FBXL7: variants seen among roughly 807,000 people sequenced by gnomAD.
FBXL7 encodes the protein F-box/LRR-repeat protein 7.
FBXL7 carries 12 observed loss-of-function variants against 38.3 expected under a neutral mutation model. That is an observed-to-expected ratio of 0.31 (90% confidence interval 0.20 to 0.51). FBXL7 has a LOEUF of 0.51. FBXL7 is among the 20% of genes least tolerant of loss of function. The pLI is 0.98. For synonymous variants in FBXL7, 297 were observed against 300.9 expected (o/e 0.99, Z 0.13); for missense variants, 567 against 676.4 (o/e 0.84, Z 1.79).
chr5:15,881,381 AT>A (rs1296779817), intron 2 of FBXL7, among the ~76,000 whole-genome samples: 1 of 152,122 alleles, frequency 6.6e-6, no homozygotes, highest in Non-Finnish European at 1.5e-5. Context: ...GCTGAATAGT[AT>A]TTTGTGGTAT....
intron 2 of FBXL7, among the ~76,000 whole-genome samples, chr5:15,665,515 G>A (rs1402801894): frequency 6.6e-6 from 1 of 152,050 alleles, no homozygotes; most frequent in African/African-American, 2.4e-5. Flanking sequence ...ACAATTTCTT[G>A]GCTTTCTCTC....
intron 2 of FBXL7, among the ~76,000 whole-genome samples, chr5:15,812,167 A>G (rs1054511585): frequency 5.9e-5 from 9 of 152,190 alleles, no homozygotes; most frequent in African/African-American, 9.7e-5. Context: ...ATAAAAAGGA[A>G]TAAGTTCAGG....
At chr5:15,642,428 G>A (rs901530092) in intron 2 of FBXL7, among the ~76,000 whole-genome samples, 1 of 152,182 alleles carries the variant, frequency 6.6e-6, no homozygotes, top group Non-Finnish European at 1.5e-5. Flanking sequence ...CACAGAGTAA[G>A]AACGTTATGC....
At chr5:15,561,074 T>G (rs1478605202) in intron 1 of FBXL7, among the ~76,000 whole-genome samples, 1 of 152,160 alleles carries the variant, frequency 6.6e-6, no homozygotes, top group African/African-American at 2.4e-5. Context: ...AAGTAAAGAG[T>G]TAAGAGATCT....
intron 2 of FBXL7, among the ~76,000 whole-genome samples, chr5:15,898,663 C>T (rs967790646): frequency 6.6e-6 from 1 of 152,206 alleles, no homozygotes; most frequent in African/African-American, 2.4e-5. Flanking sequence ...TCGCAGGATA[C>T]AGTTCTTCAC....
At position 15,722,920 on chromosome 5, in the gene FBXL7, T is replaced by TCAAAAAAAC. The variant is rs1554017080; in HGVS notation, c.127+106856_127+106857insCCAAAAAAA. On this transcript the variant is annotated intron_variant, in intron 2 of 3. Transcript: ENST00000504595. ...CCTGCTGACAGAGCAAGACTCCGTC[T>TCAAAAAAAC]CAAAAAAAACAAAAAAAAAAAGAGA... Among the ~76,000 whole-genome samples the TCAAAAAAAC allele has an allele frequency of 3.3e-4, 12 of 36,318 alleles. No individual in the cohort carries two copies. In the South Asian group the frequency reaches 0.013, roughly 38 times the overall value. The allele number at this position is 36,318 out of a possible 152,430, so 23.8% of individuals were successfully genotyped here.
At chr5:15,890,635 G>T (rs1324441073) in intron 2 of FBXL7, among the ~76,000 whole-genome samples, 2 of 152,128 alleles carry the variant, frequency 1.3e-5, no homozygotes, top group Non-Finnish European at 2.9e-5. Flanking sequence ...AATTCCTGAT[G>T]ATCTGAGATG....
intron 2 of FBXL7, among the ~76,000 whole-genome samples, chr5:15,794,538 A>T (rs1179070978): frequency 1.3e-5 from 2 of 152,238 alleles, no homozygotes; most frequent in Non-Finnish European, 2.9e-5. Context: ...ACTTAAGATG[A>T]GTAAATAAAA....
chr5:15,745,436 A>T (rs1414788602), intron 2 of FBXL7, among the ~76,000 whole-genome samples: 1 of 152,198 alleles, frequency 6.6e-6, no homozygotes, highest in African/African-American at 2.4e-5. Flanking sequence ...GCTCTCATGG[A>T]CTTTATATTT....
chr5:15,807,454 T>G (rs1458394285), intron 2 of FBXL7, among the ~76,000 whole-genome samples: 1 of 152,094 alleles, frequency 6.6e-6, no homozygotes, highest in Non-Finnish European at 1.5e-5. Flanking sequence ...CCCAGAGAGC[T>G]TGTGGAGAAG....
intron 2 of FBXL7, among the ~76,000 whole-genome samples, chr5:15,921,842 T>C (rs1741750756): frequency 6.6e-6 from 1 of 152,032 alleles, no homozygotes; most frequent in African/African-American, 2.4e-5. Flanking sequence ...AGACAAGAGA[T>C]AATAAGTGTG....
In FBXL7 at chr5:15,582,386, C is replaced by T. The variant is rs1380823502; in HGVS notation, c.38-33597C>T. ...ATAGGAAGCGATGGATCAATTTGATCTTCTCTGTTCTTGTATGATGGAAAA... is the reference window on the plus strand; with the variant it reads ...ATAGGAAGCGATGGATCAATTTGATTTTCTCTGTTCTTGTATGATGGAAAA... On this transcript the variant is annotated intron_variant, in intron 1 of 3. Coordinates refer to ENST00000504595, the MANE Select transcript of FBXL7 (RefSeq NM_012304.5). Among the ~76,000 whole-genome samples the T allele has an allele frequency of 2.0e-5, 3 of 152,310 alleles. No homozygotes were observed. The South Asian group carries it at 6.2e-4, about 32-fold the overall frequency.
intron 2 of FBXL7, among the ~76,000 whole-genome samples, chr5:15,692,934 C>G (rs1229856116): frequency 6.6e-6 from 1 of 152,136 alleles, no homozygotes; most frequent in African/African-American, 2.4e-5. Context: ...TAGACTCATT[C>G]CCTTTCTGCT....
chr5:15,597,519 A>T (rs1434535147), intron 1 of FBXL7, among the ~76,000 whole-genome samples: 2 of 146,930 alleles, frequency 1.4e-5, no homozygotes, highest in African/African-American at 2.5e-5. Flanking sequence ...AAAAAAAAAA[A>T]TCTGAAATGC....
chr5:15,749,019 C>A (rs1003207401), intron 2 of FBXL7, among the ~76,000 whole-genome samples: 1 of 151,928 alleles, frequency 6.6e-6, no homozygotes, highest in Admixed American at 6.6e-5. Flanking sequence ...CTGAGTGGGG[C>A]AGATTACCTG....
chr5:15,745,362 T>A (rs1251877554), intron 2 of FBXL7, among the ~76,000 whole-genome samples: 1 of 152,222 alleles, frequency 6.6e-6, no homozygotes, highest in Non-Finnish European at 1.5e-5. Flanking sequence ...GCACTTGTTT[T>A]GGATCTCTTC....
chr5:15,580,526 T>C (rs550397126), intron 1 of FBXL7: 1 of 624,484 alleles, frequency 1.6e-6, no homozygotes, highest in African/African-American at 2.0e-5. Context: ...AGAGTTTTAG[T>C]CTCTGTTCCT....
At chr5:15,760,649 C>G (rs747146292) in intron 2 of FBXL7, among the ~76,000 whole-genome samples, 17 of 152,066 alleles carry the variant, frequency 1.1e-4, no homozygotes, top group Non-Finnish European at 2.5e-4. Context: ...CCAGGAACAT[C>G]TTTGCAGTAC....
intron 2 of FBXL7, among the ~76,000 whole-genome samples, chr5:15,855,556 C>A (rs1392709999): frequency 6.6e-6 from 1 of 152,054 alleles, no homozygotes; most frequent in African/African-American, 2.4e-5. Flanking sequence ...AAAAATGATA[C>A]ATTTAAGGTA....
Sources: allele counts gnomAD v4.1 joint callset (sites outside exome capture counted in the v4.1 genomes callset), GRCh38; gene constraint gnomAD v4.1.1; transcripts MANE v1.5; gene names NCBI Gene and HGNC (gene_info 2026-07-23, HGNC 2026-07-21).